The following ARHGAP36 variants were observed in gnomAD, a reference collection of about 807,000 sequenced individuals.
The protein encoded by ARHGAP36 is rho GTPase-activating protein 36.
Under a neutral mutation model 32.9 loss-of-function variants are expected in ARHGAP36, and 7 were observed. The ratio of observed to expected loss-of-function variants is 0.21; its 90% CI spans 0.12 to 0.40. The LOEUF (loss-of-function observed/expected upper bound fraction) is 0.40. Ranked by LOEUF, ARHGAP36 falls within the 10% of genes least tolerant of loss-of-function variation. ARHGAP36 has a pLI of 1.00. For missense variants in ARHGAP36, 383 were observed against 442.2 expected (o/e 0.87, Z 1.20); for synonymous variants, 165 against 168.3 (o/e 0.98, Z 0.15).
At chrX:131,078,629 T>G (rs2079777710) in intron 1 of ARHGAP36, 2 of 571,029 alleles carry the variant, frequency 3.5e-6, no homozygotes, top group Admixed American at 3.5e-5. Context: ...TCTCTCATAG[T>G]GCGAAAGCCT....
At chrX:131,068,366 G>T (rs2079712686) in intron 1 of ARHGAP36, among the ~76,000 whole-genome samples, 1 of 112,369 alleles carries the variant, frequency 8.9e-6, no homozygotes, top group Admixed American at 9.3e-5. Context: ...GAGCCAGGCG[G>T]GGCGGGCACA....
chrX:131,074,077 G>C (rs112509839), intron 1 of ARHGAP36, among the ~76,000 whole-genome samples: 1 of 109,364 alleles, frequency 9.1e-6, no homozygotes, highest in Non-Finnish European at 1.9e-5. Context: ...AGGAGTGGGG[G>C]AACAAAGATG....
chrX:131,081,985 C>G (rs1010633158), intron 2 of ARHGAP36, 67 bp downstream of exon 2: 5 of 1,152,215 alleles, frequency 4.3e-6, no homozygotes, highest in Non-Finnish European at 5.8e-6. Flanking sequence ...CAGGACGGGG[C>G]GGATTAGGGG....
chrX:131,068,328 G>A (rs2079712298), intron 1 of ARHGAP36, among the ~76,000 whole-genome samples: 1 of 111,557 alleles, frequency 9.0e-6, no homozygotes, highest in African/African-American at 3.3e-5. Flanking sequence ...GAGGAGGAGA[G>A]GAGGGGAAAA....
intron 1 of ARHGAP36, among the ~76,000 whole-genome samples, chrX:131,062,386 T>C: frequency 8.9e-6 from 1 of 111,954 alleles, no homozygotes; most frequent in Middle Eastern, 4.7e-3. Flanking sequence ...ATGCAAATAA[T>C]CTATACAGTG....
intron 11 of ARHGAP36, among the ~76,000 whole-genome samples, chrX:131,088,173 T>C (rs1387252175): frequency 8.9e-6 from 1 of 112,823 alleles, no homozygotes; most frequent in East Asian, 2.8e-4. Flanking sequence ...GGCCAAGTCA[T>C]GGACTACAAG....
At chrX:131,084,437 G>A in intron 5 of ARHGAP36, 30 bp downstream of exon 5, 1 of 1,187,192 alleles carries the variant, frequency 8.4e-7, no homozygotes, top group Non-Finnish European at 1.1e-6. Flanking sequence ...GTAAATCAAG[G>A]AAGGAAGCAA....
intron 1 of ARHGAP36, among the ~76,000 whole-genome samples, chrX:131,068,219 G>T (rs930855808): frequency 9.0e-6 from 1 of 111,114 alleles, no homozygotes; most frequent in Non-Finnish European, 1.9e-5. Context: ...CGCACACACA[G>T]ATCTACCGCA....
Position 131,089,731 on chromosome X carries a change from A to G in ARHGAP36, c.*946A>G, listed in dbSNP as rs765574652. 8.9e-6 allele frequency: 1 copy of G among 112,869 alleles called. No homozygotes were observed. The highest frequency in any genetic ancestry group is 3.2e-5 in the African/African-American group (1 of 30,970). The allele number at this position is 112,869 out of a possible 1,213,427, so 9.3% of individuals were successfully genotyped here. A position where few individuals can be genotyped will look rare whatever the true frequency, so the allele number is the denominator to read the frequency against. On this transcript the variant is annotated 3_prime_UTR_variant, in exon 12 of 12. Coordinates refer to ENST00000276211, the MANE Select transcript of ARHGAP36 (RefSeq NM_144967.4). ...AATTACAGCTGATATTATGGATGAC[A>G]ACTGCTAAGGTCCATAAAATGAAGA...
chrX:131,059,068 G>A (rs930395997), intron 1 of ARHGAP36, among the ~76,000 whole-genome samples: 58 of 111,674 alleles, frequency 5.2e-4, no homozygotes, highest in African/African-American at 1.8e-3. Flanking sequence ...GGACCCCTGC[G>A]GTCTTTAGTC....
intron 1 of ARHGAP36, among the ~76,000 whole-genome samples, chrX:131,080,880 T>A (rs2079793097): frequency 8.9e-6 from 1 of 112,125 alleles, no homozygotes; most frequent in African/African-American, 3.2e-5. Flanking sequence ...TTCAGTCTTT[T>A]ATTTTTATGC....
At chrX:131,065,699 CATA>C (rs1403483168) in intron 1 of ARHGAP36, among the ~76,000 whole-genome samples, 1 of 111,750 alleles carries the variant, frequency 8.9e-6, no homozygotes, top group Non-Finnish European at 1.9e-5. Context: ...TTTCTGGCTA[CATA>C]ATACTTTAGG....
At chrX:131,084,157 A>C in intron 4 of ARHGAP36, 58 bp from the exon 5 acceptor site, 2 of 1,121,484 alleles carry the variant, frequency 1.8e-6, no homozygotes, top group Non-Finnish European at 2.4e-6. Context: ...AGTACTCAGG[A>C]AGGTCCTAAT....
chrX:131,065,907 T>C (rs1359719567), intron 1 of ARHGAP36, among the ~76,000 whole-genome samples: 2 of 111,951 alleles, frequency 1.8e-5, no homozygotes, highest in African/African-American at 6.5e-5. Flanking sequence ...GACTCACCAC[T>C]GTTGAATTGT....
Position 131,081,198 on chromosome X carries a change from A to T in ARHGAP36, c.-142-326A>T, listed in dbSNP as rs967396455. Among the ~76,000 whole-genome samples the T allele has an allele frequency of 5.5e-5, 6 of 109,381 alleles. No individual in the cohort carries two copies. The Admixed American group carries it at 5.8e-4, about 11-fold the overall frequency. 95.0% of individuals were successfully genotyped at this position (109,381 alleles called of 115,157 possible). On this transcript the variant is annotated intron_variant, in intron 1 of 11. Coordinates refer to ENST00000276211, the MANE Select transcript of ARHGAP36 (RefSeq NM_144967.4). ...TTTTTGGCTCTAGACCCATGTGTCC[A>T]TTTTGTTTTCTGGACTTGTCTGAAT...
At chrX:131,068,102 C>A (rs746907747) in intron 1 of ARHGAP36, among the ~76,000 whole-genome samples, 4 of 111,883 alleles carry the variant, frequency 3.6e-5, no homozygotes, top group Non-Finnish European at 7.5e-5. Flanking sequence ...CGTGCACACA[C>A]AAACACATGC....
At chrX:131,075,860 G>C (rs887628135) in intron 1 of ARHGAP36, among the ~76,000 whole-genome samples, 2 of 111,446 alleles carry the variant, frequency 1.8e-5, no homozygotes, top group African/African-American at 6.5e-5. Flanking sequence ...GTTGGGGATA[G>C]GAAGGGAGAG....
At position 131,086,685 on chromosome X, in the gene ARHGAP36, T is replaced by A; in HGVS notation, c.1486+20T>A. ...ATGAAGGTCAGTTCCCTGCTGGAGG[T>A]CAGGCCCTTGCTGAAGGTCAGTCCC... On this transcript the variant is annotated intron_variant, in intron 11 of 11. Transcript: ENST00000276211. 1 of 1,196,087 alleles carries A rather than the reference T, an allele frequency of 8.4e-7. No homozygotes were observed.
chrX:131,071,055 GAGGGTGCTGGTTGC>G (rs1336233951), intron 1 of ARHGAP36, among the ~76,000 whole-genome samples: 29 of 111,255 alleles, frequency 2.6e-4, no homozygotes, highest in African/African-American at 8.5e-4. Context: ...TATCACAGTG[GAGGGTGCTGGTTGC>G]AGGGTGCTGG....
Sources: gnomAD v4.1 joint callset for allele counts (sites outside exome capture counted in the v4.1 genomes callset) on GRCh38, gnomAD v4.1.1 for gene constraint, MANE v1.5 for transcripts, NCBI Gene and HGNC (gene_info 2026-07-23, HGNC 2026-07-21) for gene names.